Variants in SANBR observed in about 807,000 individuals in gnomAD.
SANBR encodes SANT and BTB domain regulator of class switch recombination.
In SANBR, 77 loss-of-function variants were observed where a neutral mutation model predicts 101.8. The ratio of observed to expected loss-of-function variants is 0.76; its 90% CI spans 0.63 to 0.91. The LOEUF is 0.91. SANBR is among the 40% of genes least tolerant of loss of function. SANBR has a pLI of 0.00. For missense variants in SANBR, 875 were observed against 853.0 expected (o/e 1.03, Z -0.32); for synonymous variants, 279 against 274.7 (o/e 1.02, Z -0.15).
intron 1 of SANBR, among the ~76,000 whole-genome samples, chr2:61,067,856 G>A (rs1465608077): frequency 6.6e-6 from 1 of 152,220 alleles, no homozygotes; most frequent in African/African-American, 2.4e-5. Flanking sequence ...GTTCTCTAGA[G>A]AGAAAGCAAG....
intron 13 of SANBR, among the ~76,000 whole-genome samples, chr2:61,105,106 C>T (rs985239204): frequency 6.6e-6 from 1 of 151,510 alleles, no homozygotes; most frequent in South Asian, 2.1e-4. Context: ...CTTAGCCAGG[C>T]GTGGTGGCTC....
downstream of SANBR, among the ~76,000 whole-genome samples, chr2:61,126,445 T>C (rs1207275769): frequency 6.6e-6 from 1 of 152,198 alleles, no homozygotes; most frequent in African/African-American, 2.4e-5. Context: ...GATTTTTCGA[T>C]GTGGCTCAGA....
At chr2:61,132,047 A>C (rs539006411) in intron 20 of SANBR, among the ~76,000 whole-genome samples, 10 of 152,368 alleles carry the variant, frequency 6.6e-5, no homozygotes, top group Non-Finnish European at 1.2e-4. Context: ...ACCTAAATGT[A>C]AGAGTCAAAA....
intron 17 of SANBR, 46 bp downstream of exon 17, chr2:61,116,116 C>T (rs777886719): frequency 1.8e-5 from 23 of 1,299,836 alleles, no homozygotes; most frequent in Admixed American, 6.2e-5. Context: ...GAAAAATAAG[C>T]ATGTGAGTAT....
chr2:61,119,745 C>T (rs1334660247), intron 20 of SANBR, among the ~76,000 whole-genome samples: 1 of 152,016 alleles, frequency 6.6e-6, no homozygotes, highest in African/African-American at 2.4e-5. Flanking sequence ...ATCACTTGAA[C>T]CCACGAGTTT....
At chr2:61,112,401 A>G (rs1325547367) in intron 16 of SANBR, among the ~76,000 whole-genome samples, 1 of 151,998 alleles carries the variant, frequency 6.6e-6, no homozygotes, top group Non-Finnish European at 1.5e-5. Context: ...TTGAATTGTA[A>G]GATTTCTTTG....
chr2:61,134,324 C>A, intron 21 of SANBR: 1 of 1,501,626 alleles, frequency 6.7e-7, no homozygotes, highest in Non-Finnish European at 9.0e-7. Context: ...ACATGAAAGA[C>A]TTTTAGAAAT....
chr2:61,088,181 G>A lies in SANBR; in HGVS notation c.913G>A (p.Glu305Lys). The A allele has an allele frequency of 6.2e-7, 1 of 1,605,964 alleles. No homozygotes were observed. The highest frequency in any genetic ancestry group is 1.1e-5 in the South Asian group (1 of 88,888). ...FKSKLFCKKIERLFDPEYLNP... is the reference protein window; with the variant it reads ...FKSKLFCKKIKRLFDPEYLNP... ...TAGCAAACTTTTTTGTAAGAAGATTGAAAGACTGTTTGATCCTGAGTACTT... is the reference window on the plus strand; with the variant it reads ...TAGCAAACTTTTTTGTAAGAAGATTAAAAGACTGTTTGATCCTGAGTACTT... The change falls in exon 9 of 22, where the codon GAA becomes AAA. Residue 305 changes from glutamate to lysine, a missense_variant. Transcript: ENST00000402291.
chr2:61,130,589 A>T (rs1684656961), intron 20 of SANBR, among the ~76,000 whole-genome samples: 2 of 152,208 alleles, frequency 1.3e-5, no homozygotes, highest in South Asian at 4.1e-4. Flanking sequence ...TATTCCAGGA[A>T]TGGAAAGTTG....
intron 10 of SANBR, among the ~76,000 whole-genome samples, chr2:61,091,136 A>G (rs890882063): frequency 6.6e-6 from 1 of 152,098 alleles, no homozygotes; most frequent in Non-Finnish European, 1.5e-5. Context: ...TAAGCACAAA[A>G]CCAGCAAAAT....
chr2:61,110,995 A>T (rs1683803416), intron 16 of SANBR, among the ~76,000 whole-genome samples: 1 of 152,218 alleles, frequency 6.6e-6, no homozygotes, highest in Non-Finnish European at 1.5e-5. Flanking sequence ...TTAACATGTA[A>T]CTTTCAGATG....
intron 20 of SANBR, among the ~76,000 whole-genome samples, chr2:61,129,775 A>C (rs1480151978): frequency 6.6e-6 from 1 of 152,124 alleles, no homozygotes; most frequent in Non-Finnish European, 1.5e-5. Context: ...TTTATAGGCT[A>C]ATGCAATAAA....
intron 6 of SANBR, among the ~76,000 whole-genome samples, chr2:61,081,213 T>C (rs1682105780): frequency 6.6e-6 from 1 of 152,128 alleles, no homozygotes; most frequent in African/African-American, 2.4e-5. Context: ...TATCTTTAGC[T>C]GGAGTCTTTT....
In SANBR at chr2:61,081,481, TC is replaced by T. The variant is rs1175676169; in HGVS notation, c.701del (p.Ser234PhefsTer5). The T allele has an allele frequency of 6.3e-7, 1 of 1,578,674 alleles. No homozygotes were observed. The highest frequency in any genetic ancestry group is 1.4e-5 in the African/African-American group (1 of 72,512). On this transcript the variant is annotated frameshift_variant, in exon 7 of 22. Coordinates refer to ENST00000402291, the MANE Select transcript of SANBR (RefSeq NM_001129993.3). LOFTEE classifies it high-confidence loss of function. The part of the protein sequence containing the change: ...EPGNVISILI[S>X]SEFLKMDSLV... ...AGGAAATGTCATTTCAATTCTTATT[TC>T]TTCGGAGTTTTTAAAAATGGATTCA... is the stretch of plus-strand genomic sequence containing the variant.
At chr2:61,083,368 T>C (rs1049917079) in intron 8 of SANBR, 54 bp downstream of exon 8, 4 of 1,064,500 alleles carry the variant, frequency 3.8e-6, no homozygotes, top group Non-Finnish European at 4.1e-6. Flanking sequence ...AGAAATATAT[T>C]TCTATTTCAT....
At chr2:61,088,854 A>G (rs1682594119) in intron 10 of SANBR, 1 of 969,946 alleles carries the variant, frequency 1.0e-6, no homozygotes, top group African/African-American at 1.8e-5. Flanking sequence ...TAGCATATTT[A>G]TAAAAATATA....
intron 7 of SANBR, among the ~76,000 whole-genome samples, chr2:61,081,721 TC>T (rs1362406957): frequency 6.6e-6 from 1 of 152,194 alleles, no homozygotes; most frequent in African/African-American, 2.4e-5. Flanking sequence ...TGATCTCAGC[TC>T]ACTGCAACCT....
intron 1 of SANBR, among the ~76,000 whole-genome samples, chr2:61,067,146 G>A (rs1246070991): frequency 2.0e-5 from 3 of 152,120 alleles, no homozygotes; most frequent in Admixed American, 2.0e-4. Flanking sequence ...TGATTTCTTG[G>A]ACATTCATTT....
intron 20 of SANBR, among the ~76,000 whole-genome samples, chr2:61,133,850 T>A (rs1684761885): frequency 6.6e-6 from 1 of 152,218 alleles, no homozygotes; most frequent in Non-Finnish European, 1.5e-5. Context: ...GATGAAAATG[T>A]TCAAAACTGA....
Sources: gnomAD v4.1 joint callset for allele counts (sites outside exome capture counted in the v4.1 genomes callset) on GRCh38, gnomAD v4.1.1 for gene constraint, MANE v1.5 for transcripts, NCBI Gene and HGNC (gene_info 2026-07-23, HGNC 2026-07-21) for gene names.